CALN1: variants seen among roughly 807,000 people sequenced by gnomAD.
CALN1 encodes the protein calneuron 1.
In CALN1, 17 loss-of-function variants were observed where a neutral mutation model predicts 30.6. That is an observed-to-expected ratio of 0.56 (90% CI 0.38 to 0.83). The LOEUF (loss-of-function observed/expected upper bound fraction) is 0.83. Among genes scored for constraint, CALN1 ranks in the 40% least tolerant of loss-of-function variants. The pLI, the probability that CALN1 is intolerant of heterozygous loss-of-function variation, is 0.00. For synonymous variants in CALN1, 156 were observed against 131.4 expected, an observed-to-expected ratio of 1.19 and a Z score of -1.28; for missense variants, 291 against 354.9, an observed-to-expected ratio of 0.82 and a Z score of 1.45.
the CALN1 span, among the ~76,000 whole-genome samples, chr7:72,456,276 A>C: frequency 6.6e-6 from 1 of 152,068 alleles, no homozygotes; most frequent in Non-Finnish European, 1.5e-5. Context: ...TAATCCCAGC[A>C]CTTTGGGGAG....
rs985778264 is a variant in CALN1, at chr7:72,374,034, G to A, written c.119+29217C>T. Among the ~76,000 whole-genome samples the A allele has an allele frequency of 9.2e-5, 14 of 152,348 alleles. 1 individual carries two copies. Among genetic ancestry groups the A allele is most frequent in the Admixed American group, 5.2e-4 (8 of 15,306 alleles). On this transcript the variant is annotated intron_variant, in intron 2 of 6. Coordinates refer to ENST00000395275, the MANE Select transcript of CALN1 (RefSeq NM_031468.4). Reference sequence around the variant, plus strand: ...TCCAGTGGAAATATCCTTCAGGAATGAAGGTGAAATAAAGACATTCTCACA... The same window carrying A: ...TCCAGTGGAAATATCCTTCAGGAATAAAGGTGAAATAAAGACATTCTCACA...
At chr7:72,194,749 G>A (rs949831313) in intron 3 of CALN1, among the ~76,000 whole-genome samples, 1 of 151,556 alleles carries the variant, frequency 6.6e-6, no homozygotes, top group Non-Finnish European at 1.5e-5. Flanking sequence ...CAGCCACCAC[G>A]GCCAGCTGAT....
chr7:72,324,786 G>C (rs1801151949), intron 2 of CALN1, among the ~76,000 whole-genome samples: 1 of 151,912 alleles, frequency 6.6e-6, no homozygotes, highest in Admixed American at 6.6e-5. Context: ...GTTTCACCCT[G>C]TTGGCCAGGC....
chr7:72,013,049 C>T (rs1800176511), intron 5 of CALN1, among the ~76,000 whole-genome samples: 1 of 152,018 alleles, frequency 6.6e-6, no homozygotes. Context: ...CCACCTGCCT[C>T]GGCCTCCCAA....
intron 1 of CALN1, among the ~76,000 whole-genome samples, chr7:72,432,319 T>C (rs1011516776): frequency 3.3e-5 from 5 of 152,226 alleles, no homozygotes; most frequent in African/African-American, 9.6e-5. Flanking sequence ...TGTGGAACTT[T>C]GAGTCCATTA....
At chr7:71,951,274 G>T (rs1052185805) in intron 5 of CALN1, among the ~76,000 whole-genome samples, 2 of 152,136 alleles carry the variant, frequency 1.3e-5, no homozygotes, top group Non-Finnish European at 2.9e-5. Context: ...TCTCAGTAAA[G>T]AAATGCTTTT....
intron 2 of CALN1, among the ~76,000 whole-genome samples, chr7:72,298,249 T>C (rs186908701): frequency 6.6e-6 from 1 of 152,322 alleles, no homozygotes; most frequent in Non-Finnish European, 1.5e-5. Flanking sequence ...CTCTTATTTG[T>C]GTTTGACAAT....
At chr7:71,896,766 C>A (rs1048673680) in intron 5 of CALN1, among the ~76,000 whole-genome samples, 5 of 152,136 alleles carry the variant, frequency 3.3e-5, no homozygotes, top group African/African-American at 7.2e-5. Flanking sequence ...AGCCAGAGAG[C>A]TCTTAGCTCC....
At chr7:72,094,734 T>C (rs1414225422) in intron 4 of CALN1, among the ~76,000 whole-genome samples, 1 of 152,158 alleles carries the variant, frequency 6.6e-6, no homozygotes, top group Non-Finnish European at 1.5e-5. Flanking sequence ...GGAGAGGAAC[T>C]GCCATGATCA....
chr7:71,903,423 G>C (rs1469357181), intron 5 of CALN1, among the ~76,000 whole-genome samples: 1 of 152,078 alleles, frequency 6.6e-6, no homozygotes, highest in African/African-American at 2.4e-5. Context: ...ACTGATTTTT[G>C]ACAAGGGTGC....
chr7:71,878,445 A>C (rs1335036042), intron 5 of CALN1, among the ~76,000 whole-genome samples: 2 of 152,094 alleles, frequency 1.3e-5, no homozygotes, highest in Non-Finnish European at 2.9e-5. Flanking sequence ...GAAATGCAAA[A>C]TTAGTTTCTC....
At chr7:71,962,552 G>A (rs1040100741) in intron 5 of CALN1, among the ~76,000 whole-genome samples, 1 of 152,342 alleles carries the variant, frequency 6.6e-6, no homozygotes, top group East Asian at 1.9e-4. Flanking sequence ...TATATAGAGA[G>A]TGAATATTTC....
chr7:72,151,249 T>G (rs1306449905), intron 3 of CALN1, among the ~76,000 whole-genome samples: 8 of 152,188 alleles, frequency 5.3e-5, no homozygotes. Context: ...CATGCCTCCC[T>G]CTGCTCGCTT....
intron 4 of CALN1, among the ~76,000 whole-genome samples, chr7:72,054,403 A>ACG (rs370068692): frequency 0.022 from 739 of 33,808 alleles, 13 homozygotes; most frequent in Middle Eastern, 0.078. Context: ...ATATATGTAC[A>ACG]TATATATATA....
chr7:72,111,649 T>C (rs543378292), intron 3 of CALN1, among the ~76,000 whole-genome samples: 6 of 152,246 alleles, frequency 3.9e-5, no homozygotes, highest in East Asian at 3.9e-4. Flanking sequence ...GGTCTCGCCA[T>C]GTTGCCCAGG....
intron 4 of CALN1, among the ~76,000 whole-genome samples, chr7:72,061,843 G>T (rs1803678097): frequency 7.5e-6 from 1 of 133,256 alleles, no homozygotes; most frequent in African/African-American, 2.8e-5. Flanking sequence ...GATTCACCAA[G>T]CCCCTAAAGC....
At chr7:72,243,392 C>T (rs1051960858) in intron 3 of CALN1, among the ~76,000 whole-genome samples, 19 of 152,214 alleles carry the variant, frequency 1.2e-4, no homozygotes, top group African/African-American at 4.6e-4. Context: ...GCAGCCCAAA[C>T]TGACCATGAT....
At chr7:72,192,221 T>C (rs1276515040) in intron 3 of CALN1, among the ~76,000 whole-genome samples, 1 of 152,200 alleles carries the variant, frequency 6.6e-6, no homozygotes, top group East Asian at 1.9e-4. Context: ...GGTACAAACC[T>C]GTACAACGTG....
chr7:72,118,086 A>AT (rs1808123311), intron 3 of CALN1, among the ~76,000 whole-genome samples: 1 of 152,074 alleles, frequency 6.6e-6, no homozygotes, highest in African/African-American at 2.4e-5. Flanking sequence ...TGAACCTACT[A>AT]TGCATCTCAG....
Sources: allele counts gnomAD v4.1 joint callset (sites outside exome capture counted in the v4.1 genomes callset), GRCh38; gene constraint gnomAD v4.1.1; transcripts MANE v1.5; gene names NCBI Gene and HGNC (gene_info 2026-07-23, HGNC 2026-07-21).